NRXN3: variants seen among roughly 807,000 people sequenced by gnomAD.
NRXN3 encodes the protein neurexin III.
NRXN3 carries 32 observed loss-of-function variants against 137.6 expected under a neutral mutation model. That is an observed-to-expected ratio of 0.23 (90% CI 0.18 to 0.31). The LOEUF is 0.31. Among genes scored for constraint, NRXN3 ranks in the 10% least tolerant of loss-of-function variants. The pLI, the probability that NRXN3 is intolerant of heterozygous loss-of-function variation, is 1.00. For synonymous variants in NRXN3, 798 were observed against 784.5 expected, an observed-to-expected ratio of 1.02 and a Z score of -0.29; for missense variants, 1,574 against 2,062.5, an observed-to-expected ratio of 0.76 and a Z score of 4.59.
At chr14:79,033,924 C>G (rs1289158861) in intron 15 of NRXN3, among the ~76,000 whole-genome samples, 1 of 152,110 alleles carries the variant, frequency 6.6e-6, no homozygotes, top group Admixed American at 6.6e-5. Flanking sequence ...CTATTAGAAC[C>G]TGTCTCCATA....
chr14:78,403,413 T>C (rs1490322834), intron 4 of NRXN3, among the ~76,000 whole-genome samples: 1 of 152,164 alleles, frequency 6.6e-6, no homozygotes, highest in Non-Finnish European at 1.5e-5. Context: ...GAGCTCGCAT[T>C]CTGGGAATCT....
At chr14:78,768,404 A>G (rs2098715873) in intron 8 of NRXN3, among the ~76,000 whole-genome samples, 1 of 152,192 alleles carries the variant, frequency 6.6e-6, no homozygotes, top group Admixed American at 6.5e-5. Flanking sequence ...GATGGAAGAG[A>G]CATACTATTG....
chr14:78,876,328 G>A (rs1267814970), intron 10 of NRXN3, among the ~76,000 whole-genome samples: 1 of 152,124 alleles, frequency 6.6e-6, no homozygotes, highest in East Asian at 1.9e-4. Context: ...TGATGTAAAG[G>A]AGGAAAACCA....
chr14:79,705,171 G>A (rs76123612), intron 19 of NRXN3, among the ~76,000 whole-genome samples: 12,699 of 152,186 alleles, frequency 0.083, 583 homozygotes, highest in South Asian at 0.19. Context: ...CATCTGAACA[G>A]CTGGGAGGGA....
intron 4 of NRXN3, among the ~76,000 whole-genome samples, chr14:78,321,357 G>T (rs2079344690): frequency 6.6e-6 from 1 of 152,014 alleles, no homozygotes; most frequent in Admixed American, 6.5e-5. Flanking sequence ...CACTGGTAAA[G>T]ACAGAACAAA....
intron 8 of NRXN3, among the ~76,000 whole-genome samples, chr14:78,784,105 A>C (rs2098780558): frequency 6.6e-6 from 1 of 151,794 alleles, no homozygotes; most frequent in Admixed American, 6.6e-5. Context: ...AATTAATTAG[A>C]TATTTTCGGT....
At chr14:79,305,720 G>A (rs1312450668) in intron 15 of NRXN3, among the ~76,000 whole-genome samples, 1 of 152,024 alleles carries the variant, frequency 6.6e-6, no homozygotes, top group East Asian at 1.9e-4. Context: ...CTGTTTCAAA[G>A]ATTCCACTAG....
At chr14:79,638,596 A>AT (rs1454095140) in intron 16 of NRXN3, among the ~76,000 whole-genome samples, 4 of 152,212 alleles carry the variant, frequency 2.6e-5, no homozygotes, top group Non-Finnish European at 4.4e-5. Context: ...TCAATAATGA[A>AT]TTTTGGTATA....
chr14:78,371,573 A>G (rs2086837193), intron 4 of NRXN3, among the ~76,000 whole-genome samples: 1 of 152,202 alleles, frequency 6.6e-6, no homozygotes, highest in Admixed American at 6.5e-5. Context: ...TAAGCTGTCC[A>G]TGGACAGCAA....
At chr14:78,487,989 A>G (rs2095595578) in intron 4 of NRXN3, among the ~76,000 whole-genome samples, 1 of 152,092 alleles carries the variant, frequency 6.6e-6, no homozygotes, top group Non-Finnish European at 1.5e-5. Flanking sequence ...TGAACAACAG[A>G]AATTCATTTT....
At chr14:79,235,626 A>G (rs1043571825) in intron 15 of NRXN3, among the ~76,000 whole-genome samples, 1 of 152,298 alleles carries the variant, frequency 6.6e-6, no homozygotes, top group Non-Finnish European at 1.5e-5. Flanking sequence ...CATTGTCAAC[A>G]CAGATTGTGT....
At chr14:79,790,712 C>T (rs1461846843) in intron 19 of NRXN3, among the ~76,000 whole-genome samples, 1 of 151,162 alleles carries the variant, frequency 6.6e-6, no homozygotes, top group African/African-American at 2.4e-5. Flanking sequence ...CCTCCGCCTC[C>T]CAGGTTCAAG....
chr14:78,594,337 C>A (rs1477831738), intron 4 of NRXN3, among the ~76,000 whole-genome samples: 2 of 152,162 alleles, frequency 1.3e-5, no homozygotes, highest in Non-Finnish European at 2.9e-5. Flanking sequence ...TGGTAGAGAT[C>A]AGATGGCAGG....
intron 20 of NRXN3, among the ~76,000 whole-genome samples, chr14:79,819,627 G>C (rs965362660): frequency 2.0e-5 from 3 of 151,632 alleles, no homozygotes; most frequent in African/African-American, 7.3e-5. Flanking sequence ...TGGGACTAAA[G>C]GCGTGAGCCA....
At chr14:79,114,143 A>T (rs1457145722) in intron 15 of NRXN3, among the ~76,000 whole-genome samples, 2 of 152,190 alleles carry the variant, frequency 1.3e-5, no homozygotes, top group African/African-American at 4.8e-5. Flanking sequence ...AGATGTGTTT[A>T]GTTATCACAA....
At chr14:79,330,361 G>A (rs184738714) in intron 15 of NRXN3, among the ~76,000 whole-genome samples, 31 of 152,284 alleles carry the variant, frequency 2.0e-4, no homozygotes, top group African/African-American at 7.2e-4. Flanking sequence ...TGTTGGGGCT[G>A]AGAGAAGAAA....
chr14:78,712,605 C>T (rs1161790617), intron 7 of NRXN3, among the ~76,000 whole-genome samples: 1 of 152,216 alleles, frequency 6.6e-6, no homozygotes, highest in Non-Finnish European at 1.5e-5. Flanking sequence ...CTCTGCCACC[C>T]AGCTTGGAGT....
At chr14:79,083,133 A>C (rs1218052010) in intron 15 of NRXN3, among the ~76,000 whole-genome samples, 1 of 152,202 alleles carries the variant, frequency 6.6e-6, no homozygotes. Context: ...ACTGTGTGAG[A>C]TGTTGTACTA....
chr14:78,999,387 A>C (rs2099536920), intron 15 of NRXN3, among the ~76,000 whole-genome samples: 1 of 152,184 alleles, frequency 6.6e-6, no homozygotes, highest in Non-Finnish European at 1.5e-5. Context: ...TTGTTTCAGA[A>C]TATGCATGAT....
Sources: gnomAD v4.1 joint callset for allele counts (sites outside exome capture counted in the v4.1 genomes callset) on GRCh38, gnomAD v4.1.1 for gene constraint, MANE v1.5 for transcripts, NCBI Gene and HGNC (gene_info 2026-07-23, HGNC 2026-07-21) for gene names.